Variants in ADAM32 observed in about 807,000 individuals in gnomAD.
The protein encoded by ADAM32 is disintegrin and metalloproteinase domain-containing protein 32.
ADAM32 carries 89 observed loss-of-function variants against 114.9 expected under a neutral mutation model. The ratio of observed to expected loss-of-function variants is 0.77; its 90% CI spans 0.65 to 0.92. The LOEUF (loss-of-function observed/expected upper bound fraction) is 0.92, where lower values mean the gene tolerates loss of function less well. Among genes scored for constraint, ADAM32 ranks in the 40% least tolerant of loss-of-function variants. The pLI is 0.00. For missense variants in ADAM32, 870 were observed against 932.8 expected, an observed-to-expected ratio of 0.93 and a Z score of 0.88; for synonymous variants, 285 against 307.5, an observed-to-expected ratio of 0.93 and a Z score of 0.77.
At chr8:39,110,556 C>T (rs970430214) in intron 1 of ADAM32, among the ~76,000 whole-genome samples, 5 of 152,102 alleles carry the variant, frequency 3.3e-5, no homozygotes, top group Non-Finnish European at 7.3e-5. Flanking sequence ...TGGGTAAATA[C>T]CAAGAAATGC....
In ADAM32 at chr8:39,242,852, C is replaced by T. The variant is rs370648673; in HGVS notation, c.1819-3231C>T. Among the ~76,000 whole-genome samples the T allele has an allele frequency of 3.9e-5, 6 of 152,170 alleles. No individual in the cohort carries two copies. In the South Asian group the frequency reaches 1.2e-3, roughly 32 times the overall value. ...AAAATAGATGAAACAAAAGCTGGTT[C>T]TTTGAAAAGATAAACAAAACGGATA... On this transcript the variant is annotated intron_variant, in intron 16 of 24. Coordinates refer to ENST00000379907, the MANE Select transcript of ADAM32 (RefSeq NM_145004.7).
rs1802823829 is a variant in ADAM32, at chr8:39,136,676, T to G, written c.158T>G (p.Ile53Ser). The G allele has an allele frequency of 6.5e-7, 1 of 1,544,610 alleles. No individual in the cohort carries two copies. The highest frequency in any genetic ancestry group is 1.2e-5 in the South Asian group (1 of 80,264). ...EIEYEQISYI[I>S]PIDEKLYTVH... ...CTCTAGGAACAAATATCCTATATTA[T>G]TCCAATAGATGAGAAACTGTACACT... Residue 53 changes from isoleucine (I) to serine (S), a missense_variant, in exon 3 of 25, where the codon ATT becomes AGT. By Grantham distance (142) the Ile-to-Ser change is moderately radical. Coordinates refer to ENST00000379907, the MANE Select transcript of ADAM32 (RefSeq NM_145004.7).
intron 7 of ADAM32, among the ~76,000 whole-genome samples, chr8:39,161,746 A>G (rs1177949987): frequency 1.3e-5 from 2 of 152,112 alleles, no homozygotes; most frequent in African/African-American, 2.4e-5. Flanking sequence ...AAGGTCAGGG[A>G]CCAGGATTTG....
intron 12 of ADAM32, among the ~76,000 whole-genome samples, chr8:39,217,164 A>G (rs1428743810): frequency 6.6e-6 from 1 of 151,866 alleles, no homozygotes; most frequent in Non-Finnish European, 1.5e-5. Flanking sequence ...TTCTTTTTCC[A>G]GCACTTTTAA....
At chr8:39,199,015 A>G (rs1054335313) in intron 11 of ADAM32, among the ~76,000 whole-genome samples, 1 of 152,150 alleles carries the variant, frequency 6.6e-6, no homozygotes, top group African/African-American at 2.4e-5. Context: ...GTTTTCTTGC[A>G]GTACTTTGAA....
chr8:39,202,593 G>A (rs1419035975), intron 11 of ADAM32, among the ~76,000 whole-genome samples: 1 of 152,028 alleles, frequency 6.6e-6, no homozygotes, highest in Non-Finnish European at 1.5e-5. Context: ...TGGATTCATT[G>A]ATTTTTTTGA....
At chr8:39,181,585 T>G (rs1805898975) in intron 10 of ADAM32, among the ~76,000 whole-genome samples, 1 of 152,234 alleles carries the variant, frequency 6.6e-6, no homozygotes, top group African/African-American at 2.4e-5. Context: ...TGTCCTAACA[T>G]CTTCCTACCT....
intron 6 of ADAM32, among the ~76,000 whole-genome samples, chr8:39,158,854 C>G (rs1804320589): frequency 1.3e-5 from 2 of 152,088 alleles, no homozygotes; most frequent in Non-Finnish European, 2.9e-5. Flanking sequence ...CTTTTTAGCT[C>G]CACAATTTCC....
At chr8:39,266,884 C>A (rs1246478358) in intron 19 of ADAM32, among the ~76,000 whole-genome samples, 1 of 152,178 alleles carries the variant, frequency 6.6e-6, no homozygotes, top group African/African-American at 2.4e-5. Flanking sequence ...TAGGCTTAGG[C>A]AATTGGCTTC....
intron 1 of ADAM32, among the ~76,000 whole-genome samples, chr8:39,117,818 G>A (rs1168367597): frequency 6.6e-6 from 1 of 152,038 alleles, no homozygotes; most frequent in Non-Finnish European, 1.5e-5. Flanking sequence ...AGTTTTTGAA[G>A]TATGTCTTTG....
intron 9 of ADAM32, 160 bp from the exon 10 acceptor site, chr8:39,169,756 A>G: frequency 2.0e-6 from 1 of 512,250 alleles, no homozygotes; most frequent in Non-Finnish European, 3.4e-6. Context: ...CATATTAAAT[A>G]ATATTCCAAA....
In ADAM32 at chr8:39,149,897, C is replaced by G. The variant is rs915274065; in HGVS notation, c.353+30C>G. 6 of 1,543,824 alleles carry G rather than the reference C, an allele frequency of 3.9e-6. No homozygotes were observed. The African/African-American group carries it at 6.9e-5, about 18-fold the overall frequency. The stretch of plus-strand genomic sequence containing the variant: ...TTTTCTGTTGTTGATTACAGAACAC[C>G]TTAGTTATGATATTTGGCTGCAGTG... On this transcript the variant is annotated intron_variant, in intron 5 of 24. Transcript: ENST00000379907.
chr8:39,164,089 C>T (rs559290499), intron 7 of ADAM32, among the ~76,000 whole-genome samples: 1 of 152,268 alleles, frequency 6.6e-6, no homozygotes, highest in African/African-American at 2.4e-5. Context: ...TTGAGACACT[C>T]AACAGTACCA....
chr8:39,232,084 T>A lies in ADAM32; in HGVS notation c.1583T>A (p.Phe528Tyr). The change falls in exon 15 of 25, where the codon TTT (phenylalanine) becomes TAT (tyrosine). Residue 528 changes from phenylalanine (F) to tyrosine (Y), a missense_variant. By Grantham distance (22) the Phe-to-Tyr change is conservative. Transcript: ENST00000379907. ...YEEIQSQSDR[F>Y]GNCGRDRNNK... ...GAAATACAATCTCAATCAGACAGAT[T>A]TGGGAACTGTGGTAGGGATAGAAAT... The A allele has an allele frequency of 6.2e-7, 1 of 1,612,682 alleles. No individual in the cohort carries two copies. The highest frequency in any genetic ancestry group is 1.1e-5 in the South Asian group (1 of 90,974).
chr8:39,201,393 T>C (rs1336410815), intron 11 of ADAM32, among the ~76,000 whole-genome samples: 2 of 151,898 alleles, frequency 1.3e-5, no homozygotes, highest in Non-Finnish European at 2.9e-5. Context: ...GAAGCAATTG[T>C]GAATGGGAGT....
chr8:39,257,242 C>T lies in ADAM32; in HGVS notation c.2061C>T (p.Phe687=). ...GKTENTWLLG[F]LIALPILIVT... is the part of the protein sequence containing the mutation. ...CTGAAAACACCTGGCTTCTAGGTTTCCTCATTGCTCTTCCTATTCTCATTG... is the reference window on the plus strand; with the variant it reads ...CTGAAAACACCTGGCTTCTAGGTTTTCTCATTGCTCTTCCTATTCTCATTG... The change falls in exon 19 of 25, where the codon TTC becomes TTT. Residue 687 remains phenylalanine, a synonymous_variant. Coordinates refer to ENST00000379907, the MANE Select transcript of ADAM32 (RefSeq NM_145004.7). The T allele has an allele frequency of 6.2e-7, 1 of 1,611,060 alleles. No homozygotes were observed. Among genetic ancestry groups the T allele is most frequent in the Non-Finnish European group, 8.5e-7 (1 of 1,178,800 alleles).
chr8:39,215,563 C>T (rs188428827), intron 12 of ADAM32, among the ~76,000 whole-genome samples: 2 of 151,964 alleles, frequency 1.3e-5, no homozygotes, highest in Non-Finnish European at 2.9e-5. Context: ...TGCTCTATCC[C>T]ATAGGTTTTG....
chr8:39,226,830 A>G lies in ADAM32; in HGVS notation c.1525+3592A>G, dbSNP rs540970259. Among the ~76,000 whole-genome samples, 63 of 152,348 alleles carry G rather than the reference A, an allele frequency of 4.1e-4. 2 individuals carry two copies. Among genetic ancestry groups the G allele is most frequent in the South Asian group, 3.9e-3 (19 of 4,832 alleles). On this transcript the variant is annotated intron_variant, in intron 14 of 24. Transcript: ENST00000379907. ...TAGTATGGAAATATATAAAAATATA[A>G]CGTTCACTGGTAAAAGTAAGTATAT...
chr8:39,262,721 A>G (rs1312154603), intron 19 of ADAM32, among the ~76,000 whole-genome samples: 2 of 133,880 alleles, frequency 1.5e-5, no homozygotes, highest in Non-Finnish European at 3.1e-5. Flanking sequence ...CTTTCCTTCC[A>G]TCCTTTCTTT....
Sources: gnomAD v4.1 joint callset for allele counts (sites outside exome capture counted in the v4.1 genomes callset) on GRCh38, gnomAD v4.1.1 for gene constraint, MANE v1.5 for transcripts, NCBI Gene and HGNC (gene_info 2026-07-23, HGNC 2026-07-21) for gene names.